Variants in FANCC observed in about 807,000 individuals in gnomAD.
The protein encoded by FANCC is FA complementation group C.
Under a neutral mutation model 71.3 loss-of-function variants are expected in FANCC, and 55 were observed. That is an observed-to-expected ratio of 0.77 (90% confidence interval 0.62 to 0.97). The LOEUF is 0.97. Ranked by LOEUF, FANCC falls within the 50% of genes least tolerant of loss-of-function variation. FANCC has a pLI of 0.00. For missense variants in FANCC, 678 were observed against 670.9 expected, an observed-to-expected ratio of 1.01 and a Z score of -0.12; for synonymous variants, 275 against 244.9, an observed-to-expected ratio of 1.12 and a Z score of -1.15.
At chr9:95,159,034 T>C (rs1213574192) in intron 6 of FANCC, among the ~76,000 whole-genome samples, 1 of 145,984 alleles carries the variant, frequency 6.9e-6, no homozygotes, top group African/African-American at 2.5e-5. Context: ...TTTTTTGACC[T>C]TTTTTTTTTT....
chr9:95,149,743 T>G (rs1830028520), intron 7 of FANCC, among the ~76,000 whole-genome samples, 180 bp downstream of exon 7: 1 of 152,112 alleles, frequency 6.6e-6, no homozygotes, highest in South Asian at 2.1e-4. Context: ...CCTCCCAAAG[T>G]GCTGGGATTA....
chr9:95,101,349 T>C lies in FANCC; in HGVS notation c.*358A>G. ...GACCAAATTCTTGGTTCTAAGACTT[T>C]GAATTTTTAAATAATAGATGTGCAG... On this transcript the variant is annotated 3_prime_UTR_variant, in exon 15 of 15. Coordinates refer to ENST00000289081, the MANE Select transcript of FANCC (RefSeq NM_000136.3). 1 of 387,098 alleles carries C rather than the reference T, an allele frequency of 2.6e-6. No individual in the cohort carries two copies. Among genetic ancestry groups the C allele is most frequent in the Non-Finnish European group, 4.8e-6 (1 of 208,508 alleles). 24.0% of individuals were successfully genotyped at this position (387,098 alleles called of 1,614,324 possible). A position where few individuals can be genotyped will look rare whatever the true frequency, so the allele number is the denominator to read the frequency against.
chr9:95,190,990 A>G (rs1481847782), intron 4 of FANCC, among the ~76,000 whole-genome samples: 1 of 150,544 alleles, frequency 6.6e-6, no homozygotes, highest in African/African-American at 2.5e-5. Context: ...TTGCACCCCA[A>G]GAGATTTTGT....
chr9:95,128,190 G>A (rs1156425422), intron 8 of FANCC, among the ~76,000 whole-genome samples: 3 of 152,028 alleles, frequency 2.0e-5, no homozygotes, highest in East Asian at 1.9e-4. Flanking sequence ...ATATAAGCAC[G>A]GAAAATATAA....
intron 4 of FANCC, among the ~76,000 whole-genome samples, chr9:95,230,758 G>A (rs1481290519): frequency 6.6e-6 from 1 of 152,118 alleles, no homozygotes; most frequent in Non-Finnish European, 1.5e-5. Context: ...ACCCAAGTGA[G>A]CTGGTGGCCG....
intron 4 of FANCC, among the ~76,000 whole-genome samples, chr9:95,214,625 G>A (rs774978548): frequency 1.3e-4 from 20 of 152,092 alleles, no homozygotes; most frequent in Non-Finnish European, 2.6e-4. Context: ...ACAGACGAAT[G>A]GATAAGCAAA....
At chr9:95,193,049 C>T (rs139392564) in intron 4 of FANCC, among the ~76,000 whole-genome samples, 6 of 152,238 alleles carry the variant, frequency 3.9e-5, no homozygotes, top group African/African-American at 7.2e-5. Context: ...GATGTAGCAG[C>T]CAACAAGAGT....
chr9:95,125,053 G>T, intron 10 of FANCC, 33 bp downstream of exon 10: 1 of 1,550,558 alleles, frequency 6.4e-7, no homozygotes, highest in Non-Finnish European at 8.9e-7. Flanking sequence ...TTATTCTCTG[G>T]GATGAATGAG....
intron 1 of FANCC, among the ~76,000 whole-genome samples, chr9:95,261,694 CAGTA>C (rs1156423908): frequency 4.6e-5 from 7 of 152,222 alleles, no homozygotes; most frequent in African/African-American, 1.7e-4. Context: ...TTAGATCCCT[CAGTA>C]AGTATTTCCA....
At chr9:95,226,385 G>C (rs998508510) in intron 4 of FANCC, among the ~76,000 whole-genome samples, 1 of 152,222 alleles carries the variant, frequency 6.6e-6, no homozygotes, top group African/African-American at 2.4e-5. Context: ...TGTAGTCCCT[G>C]ATCTATGCTC....
At chr9:95,299,325 C>T (rs1448885747) in intron 1 of FANCC, among the ~76,000 whole-genome samples, 1 of 152,188 alleles carries the variant, frequency 6.6e-6, no homozygotes, top group African/African-American at 2.4e-5. Context: ...TTTTAAGAAA[C>T]TGTATGTGGT....
intron 12 of FANCC, among the ~76,000 whole-genome samples, chr9:95,112,090 T>C (rs954250495): frequency 2.0e-5 from 3 of 152,208 alleles, no homozygotes; most frequent in African/African-American, 7.2e-5. Context: ...AACTACGAAT[T>C]TTTAATGAGC....
intron 1 of FANCC, among the ~76,000 whole-genome samples, chr9:95,297,749 T>A (rs1834471058): frequency 6.6e-6 from 1 of 152,240 alleles, no homozygotes. Flanking sequence ...ATGTATTTTT[T>A]GGAAGAGGGG....
Position 95,125,145 on chromosome 9 carries a change from CTA to C in FANCC, c.935_936del (p.Ile312SerfsTer61). On this transcript the variant is annotated frameshift_variant, in exon 10 of 15. Transcript: ENST00000289081. LOFTEE classifies it high-confidence loss of function. ...CACTGCGTAAACACCTGAATAGTGG[CTA>C]TGATTTCCAGGGCCCCATCGGTTTC... ...LLETDGALEI[I>X]ATIQVFTQCF... The C allele has an allele frequency of 6.2e-7, 1 of 1,614,230 alleles. No individual in the cohort carries two copies. The highest frequency in any genetic ancestry group is 1.6e-4 in the Middle Eastern group (1 of 6,062).
At chr9:95,257,232 A>C (rs1029733139) in intron 1 of FANCC, among the ~76,000 whole-genome samples, 3 of 152,254 alleles carry the variant, frequency 2.0e-5, no homozygotes, top group African/African-American at 7.2e-5. Context: ...CAGAATATAC[A>C]TTCTTCTCAG....
At chr9:95,151,194 A>G (rs1830150490) in intron 6 of FANCC, among the ~76,000 whole-genome samples, 1 of 152,092 alleles carries the variant, frequency 6.6e-6, no homozygotes, top group Admixed American at 6.6e-5. Context: ...TATAGTACTC[A>G]TGGTTCGCTT....
intron 4 of FANCC, among the ~76,000 whole-genome samples, chr9:95,179,932 T>C (rs953494043): frequency 2.6e-5 from 4 of 152,302 alleles, no homozygotes; most frequent in African/African-American, 9.6e-5. Context: ...TCCATAACAT[T>C]AGCTCTTAAG....
intron 1 of FANCC, among the ~76,000 whole-genome samples, chr9:95,260,413 C>T (rs531147665): frequency 1.3e-5 from 2 of 152,214 alleles, no homozygotes; most frequent in African/African-American, 4.8e-5. Flanking sequence ...AGCCGGAAGC[C>T]GTCATTCTCA....
intron 1 of FANCC, among the ~76,000 whole-genome samples, chr9:95,308,454 T>C (rs1835190109): frequency 6.6e-6 from 1 of 151,352 alleles, no homozygotes; most frequent in Non-Finnish European, 1.5e-5. Flanking sequence ...CGGCTAGTTT[T>C]TTTTGTATTT....
Sources: allele counts gnomAD v4.1 joint callset (sites outside exome capture counted in the v4.1 genomes callset), GRCh38; gene constraint gnomAD v4.1.1; transcripts MANE v1.5; gene names NCBI Gene and HGNC (gene_info 2026-07-23, HGNC 2026-07-21).